The following UVRAG variants were observed in gnomAD, a reference collection of about 807,000 sequenced individuals.
UVRAG encodes UV radiation resistance associated.
UVRAG carries 19 observed loss-of-function variants against 78.0 expected under a neutral mutation model. The ratio of observed to expected loss-of-function variants is 0.24; its 90% CI spans 0.17 to 0.36. The LOEUF (loss-of-function observed/expected upper bound fraction) is 0.36. UVRAG is among the 10% of genes least tolerant of loss of function. The pLI is 1.00. For missense variants in UVRAG, 740 were observed against 853.8 expected (o/e 0.87, Z 1.66); for synonymous variants, 323 against 324.6 (o/e 1.00, Z 0.05).
chr11:75,912,919 G>A (rs1358778953), intron 6 of UVRAG, among the ~76,000 whole-genome samples: 1 of 152,178 alleles, frequency 6.6e-6, no homozygotes, highest in Non-Finnish European at 1.5e-5. Context: ...TTAATCTTAA[G>A]AAACATGATT....
In UVRAG at chr11:76,129,925, T is replaced by A. The variant is rs1191627754; in HGVS notation, c.1398-10786T>A. ...CACACACACTCACTCACTCTCACAC[T>A]CTCTCTCGCTCTCTCTCTCTCTCGC... On this transcript the variant is annotated intron_variant, in intron 14 of 14. Transcript: ENST00000356136. Among the ~76,000 whole-genome samples, 22 of 148,544 alleles carry A rather than the reference T, an allele frequency of 1.5e-4. 1 individual carries two copies.
chr11:76,025,397 C>G (rs893448126), intron 12 of UVRAG, among the ~76,000 whole-genome samples: 1 of 152,170 alleles, frequency 6.6e-6, no homozygotes, highest in African/African-American at 2.4e-5. Context: ...CCTAGCTGAT[C>G]AGAGCATATG....
intron 3 of UVRAG, among the ~76,000 whole-genome samples, chr11:75,867,121 C>T (rs1006027084): frequency 3.9e-5 from 6 of 152,218 alleles, no homozygotes; most frequent in African/African-American, 1.4e-4. Context: ...ATTCATGCCT[C>T]ATTGCTCTGT....
At chr11:76,073,470 C>A (rs1222998657) in intron 13 of UVRAG, among the ~76,000 whole-genome samples, 3 of 152,144 alleles carry the variant, frequency 2.0e-5, no homozygotes, top group African/African-American at 7.2e-5. Flanking sequence ...AATTCCAGAT[C>A]GCTTGTGTCT....
intron 12 of UVRAG, among the ~76,000 whole-genome samples, chr11:76,036,549 A>G (rs1171071325): frequency 2.0e-5 from 3 of 152,194 alleles, no homozygotes; most frequent in African/African-American, 7.2e-5. Context: ...TCAAAAAAAA[A>G]GAAAATTAAA....
intron 13 of UVRAG, among the ~76,000 whole-genome samples, chr11:76,104,312 TAAGTGGTTACGAGTTCAA>T (rs1250305858): frequency 6.6e-6 from 1 of 152,178 alleles, no homozygotes. Context: ...TCATCGTTCT[TAAGTGGTTACGAGTTCAA>T]AGTGCTAGGA....
chr11:75,931,534 A>G (rs1401102465), intron 6 of UVRAG, among the ~76,000 whole-genome samples: 1 of 152,238 alleles, frequency 6.6e-6, no homozygotes, highest in Non-Finnish European at 1.5e-5. Flanking sequence ...TGAAATCTGC[A>G]TACAATTTTT....
At position 76,016,928 on chromosome 11, in the gene UVRAG, A is replaced by G. The variant is rs375450406; in HGVS notation, c.1174A>G (p.Arg392Gly). ...LRYPIIHKGS[R>G]STIKDNINDK... Reference sequence around the variant, plus strand: ...ATATCCTATAATTCATAAGGGGTCTAGATCAACAATCAAAGACAATATCAA... The same window carrying G: ...ATATCCTATAATTCATAAGGGGTCTGGATCAACAATCAAAGACAATATCAA... Residue 392 changes from arginine (R) to glycine (G), a missense_variant, in exon 12 of 15, where the codon AGA becomes GGA. By Grantham distance (125) the Arg-to-Gly change is moderately radical. Coordinates refer to ENST00000356136, the MANE Select transcript of UVRAG (RefSeq NM_003369.4). 1 of 1,609,304 alleles carries G rather than the reference A, an allele frequency of 6.2e-7. No individual in the cohort carries two copies. Among genetic ancestry groups the G allele is most frequent in the Non-Finnish European group, 8.5e-7 (1 of 1,177,234 alleles).
chr11:76,022,647 T>C (rs1591144034), intron 12 of UVRAG, among the ~76,000 whole-genome samples: 1 of 152,332 alleles, frequency 6.6e-6, no homozygotes, highest in African/African-American at 2.4e-5. Flanking sequence ...CTTTTCACTT[T>C]GAACCTTTTT....
chr11:76,104,503 A>G (rs1431980455), intron 13 of UVRAG, among the ~76,000 whole-genome samples: 3 of 152,208 alleles, frequency 2.0e-5, no homozygotes, highest in Admixed American at 6.5e-5. Context: ...CCTGGCACAT[A>G]ACTAATCACT....
chr11:75,876,629 C>T (rs1946786563), intron 3 of UVRAG, among the ~76,000 whole-genome samples: 2 of 150,642 alleles, frequency 1.3e-5, no homozygotes, highest in Non-Finnish European at 2.9e-5. Context: ...AATGTGTGTG[C>T]TAGGTTATCA....
intron 8 of UVRAG, among the ~76,000 whole-genome samples, chr11:75,984,195 G>GT (rs746103115): frequency 1.6e-4 from 24 of 152,206 alleles, no homozygotes; most frequent in Non-Finnish European, 2.5e-4. Flanking sequence ...ATGCTAGGCA[G>GT]TGACAGTGAG....
intron 1 of UVRAG, among the ~76,000 whole-genome samples, chr11:75,848,047 A>T (rs74871637): frequency 1.3e-5 from 2 of 150,486 alleles, no homozygotes; most frequent in African/African-American, 2.4e-5. Flanking sequence ...AAAAAAAAAA[A>T]TTTAGCTGGG....
chr11:76,084,247 A>T (rs1345172876), intron 13 of UVRAG, among the ~76,000 whole-genome samples: 1 of 152,182 alleles, frequency 6.6e-6, no homozygotes, highest in Non-Finnish European at 1.5e-5. Context: ...ATACCCATTA[A>T]ATTCATACCA....
chr11:75,915,935 T>G (rs1298252046), intron 6 of UVRAG, among the ~76,000 whole-genome samples: 1 of 152,226 alleles, frequency 6.6e-6, no homozygotes, highest in Non-Finnish European at 1.5e-5. Context: ...CAATGATTTC[T>G]GTCTAATCAT....
At chr11:75,975,082 C>T (rs1468677706) in intron 7 of UVRAG, among the ~76,000 whole-genome samples, 1 of 152,202 alleles carries the variant, frequency 6.6e-6, no homozygotes, top group African/African-American at 2.4e-5. Flanking sequence ...GATCCAGTTT[C>T]AGCTTTTGAC....
At chr11:76,093,698 A>G (rs950942461) in intron 13 of UVRAG, among the ~76,000 whole-genome samples, 1 of 152,180 alleles carries the variant, frequency 6.6e-6, no homozygotes, top group Non-Finnish European at 1.5e-5. Flanking sequence ...TGATTTTTGC[A>G]CATTGATTTT....
chr11:76,014,706 C>T (rs1257590455), intron 11 of UVRAG, among the ~76,000 whole-genome samples: 2 of 152,160 alleles, frequency 1.3e-5, no homozygotes, highest in Non-Finnish European at 2.9e-5. Context: ...TGGCTTTGAC[C>T]AAGCCATTTA....
intron 14 of UVRAG, among the ~76,000 whole-genome samples, chr11:76,127,375 C>T (rs1012426584): frequency 1.3e-5 from 2 of 152,104 alleles, no homozygotes; most frequent in African/African-American, 2.4e-5. Context: ...GAATGAGGGC[C>T]GGGCACGGTG....
Sources: gnomAD v4.1 joint callset for allele counts (sites outside exome capture counted in the v4.1 genomes callset) on GRCh38, gnomAD v4.1.1 for gene constraint, MANE v1.5 for transcripts, NCBI Gene and HGNC (gene_info 2026-07-23, HGNC 2026-07-21) for gene names.